Variants in TRPM6 observed in about 807,000 individuals in gnomAD.
TRPM6 encodes channel kinase 2.
A neutral mutation model predicts 247.6 loss-of-function variants in TRPM6; 111 were observed. The observed-to-expected ratio is 0.45, with a 90% CI of 0.38 to 0.52. The LOEUF (loss-of-function observed/expected upper bound fraction) is 0.52. Among genes scored for constraint, TRPM6 ranks in the 20% least tolerant of loss-of-function variants. The probability of loss-of-function intolerance (pLI) is 0.00; values close to 1 mark genes in which losing one functional copy is unlikely to be tolerated. For missense variants in TRPM6, 2,126 were observed against 2,421.5 expected, an observed-to-expected ratio of 0.88 and a Z score of 2.56; for synonymous variants, 892 against 853.8, an observed-to-expected ratio of 1.04 and a Z score of -0.78.
intron 36 of TRPM6, chr9:74,737,521 TACA>T: frequency 3.5e-6 from 3 of 852,806 alleles, no homozygotes; most frequent in Non-Finnish European, 5.0e-6. Context: ...TTATACCCTC[TACA>T]TATGAAACTC....
intron 4 of TRPM6, among the ~76,000 whole-genome samples, chr9:74,840,749 G>A (rs888955780): frequency 1.3e-5 from 2 of 151,094 alleles, no homozygotes; most frequent in South Asian, 2.1e-4. Flanking sequence ...CCCAGGAGGC[G>A]GAGGTTGCAG....
chr9:74,887,204 G>C, intron 1 of TRPM6: 1 of 1,248,774 alleles, frequency 8.0e-7, no homozygotes, highest in Non-Finnish European at 1.0e-6. Context: ...GGGGAAGGAA[G>C]CGGACTGCGG....
At chr9:74,833,088 A>C (rs931735858) in intron 6 of TRPM6, among the ~76,000 whole-genome samples, 1 of 152,124 alleles carries the variant, frequency 6.6e-6, no homozygotes, top group Non-Finnish European at 1.5e-5. Context: ...ACCCATAATC[A>C]TGTCTGTATT....
rs183217863 is a variant in TRPM6, at chr9:74,861,401, A to G, written c.34-2653T>C. Among the ~76,000 whole-genome samples, 5 of 152,110 alleles carry G rather than the reference A, an allele frequency of 3.3e-5. No individual in the cohort carries two copies. In the East Asian group the frequency reaches 9.6e-4, roughly 29 times the overall value. On this transcript the variant is annotated intron_variant, in intron 1 of 38. Transcript: ENST00000360774. The stretch of plus-strand genomic sequence containing the variant: ...TGTGCACCAATTAACTATTTTTTTA[A>G]TTTTTTGTATTTTTCATGCCTCTGG...
intron 31 of TRPM6, 54 bp downstream of exon 31, chr9:74,747,835 C>T (rs939544769): frequency 2.2e-5 from 31 of 1,407,860 alleles, no homozygotes; most frequent in Admixed American, 3.5e-5. Context: ...CAGTGAACCT[C>T]GCATTAAAAA....
chr9:74,783,743 A>G (rs1340480996), intron 21 of TRPM6, among the ~76,000 whole-genome samples: 2 of 152,192 alleles, frequency 1.3e-5, no homozygotes, highest in Non-Finnish European at 2.9e-5. Context: ...AAGAGAAAAC[A>G]TTTCTGGTCT....
intron 28 of TRPM6, among the ~76,000 whole-genome samples, chr9:74,753,653 G>A (rs1470143169): frequency 6.6e-6 from 1 of 152,166 alleles, no homozygotes; most frequent in Non-Finnish European, 1.5e-5. Context: ...CTGTGATCAC[G>A]TAACTATACT....
chr9:74,796,601 A>G, intron 18 of TRPM6, 140 bp downstream of exon 18: 1 of 803,146 alleles, frequency 1.2e-6, no homozygotes. Flanking sequence ...GTACCCCAGG[A>G]CCATATGTCA....
At position 74,732,761 on chromosome 9, in the gene TRPM6, T is replaced by C. The variant is rs1444888654; in HGVS notation, c.5777-25A>G. 6 of 1,574,030 alleles carry C rather than the reference T, an allele frequency of 3.8e-6. No homozygotes were observed. The African/African-American group carries it at 8.1e-5, about 21-fold the overall frequency. On this transcript the variant is annotated intron_variant, in intron 36 of 38. Transcript: ENST00000360774. ...CCTCAAAAGAAGAAACAAAATTCGT[T>C]TAGCAAATGGAGATTTCATTTTCTT...
chr9:74,804,413 G>A (rs966454001), intron 14 of TRPM6: 2 of 517,824 alleles, frequency 3.9e-6, no homozygotes, highest in Non-Finnish European at 6.9e-6. Context: ...TCATCAACAA[G>A]ATACAAAAAC....
Position 74,771,813 on chromosome 9 carries a change from A to G in TRPM6, c.3426T>C (p.Asp1142=). The G allele has an allele frequency of 6.2e-7, 1 of 1,613,910 alleles. No individual in the cohort carries two copies. The highest frequency in any genetic ancestry group is 8.5e-7 in the Non-Finnish European group (1 of 1,179,840). The change falls in exon 25 of 39, where the codon GAT becomes GAC. Residue 1142 remains aspartate (D), a synonymous_variant. Coordinates refer to ENST00000360774, the MANE Select transcript of TRPM6 (RefSeq NM_017662.5). ...VGLKLYLSKE[D]LKKLHDFEEQ... is the part of the protein sequence containing the mutation. ...CCTCAAAATCATGAAGTTTTTTCAG[A>G]TCCTCCTTACTGAGGTAGAGTTCTA...
At chr9:74,848,940 T>C (rs950542721) in intron 3 of TRPM6, among the ~76,000 whole-genome samples, 16 of 152,282 alleles carry the variant, frequency 1.1e-4, no homozygotes, top group African/African-American at 3.6e-4. Context: ...ACAAATACAT[T>C]TGAGTACATG....
At chr9:74,764,620 T>C (rs935008655) in intron 25 of TRPM6, among the ~76,000 whole-genome samples, 4 of 152,310 alleles carry the variant, frequency 2.6e-5, no homozygotes, top group East Asian at 1.9e-4. Context: ...AGACACATAG[T>C]TTTTGGTATT....
At chr9:74,849,308 A>C (rs1587576315) in intron 3 of TRPM6, among the ~76,000 whole-genome samples, 1 of 148,310 alleles carries the variant, frequency 6.7e-6, no homozygotes, top group East Asian at 2.0e-4. Context: ...CTGAGATTGC[A>C]CCATTGCACT....
In TRPM6 at chr9:74,785,939, G is replaced by C. The variant is rs139586014; in HGVS notation, c.2854C>G (p.Arg952Gly). The change falls in exon 21 of 39, where the codon CGG becomes GGG. Residue 952 changes from arginine (R) to glycine (G), a missense_variant. Physicochemically the swap from Arg to Gly is moderately radical, Grantham distance 125. Coordinates refer to ENST00000360774, the MANE Select transcript of TRPM6 (RefSeq NM_017662.5). ...YCIDIIFWFS[R>G]LLDFFAVNQH... is the part of the protein sequence containing the mutation. The stretch of plus-strand genomic sequence containing the variant: ...TTCACAGCAAAGAAGTCCAGGAGCC[G>C]TGAGAACCAGAATATGATGTCTATG... 4 of 1,614,086 alleles carry C rather than the reference G, an allele frequency of 2.5e-6. No individual in the cohort carries two copies. The African/African-American group carries it at 5.3e-5, about 22-fold the overall frequency.
Position 74,816,723 on chromosome 9 carries a change from C to G in TRPM6, c.1254G>C (p.Trp418Cys), listed in dbSNP as rs1414203976. Residue 418 changes from tryptophan (W) to cysteine (C), a missense_variant, in exon 11 of 39, where the codon TGG becomes TGC. Around this residue, in one of 3 missense-constraint regions of TRPM6, gnomAD observed 1,082 missense variants for 1,307.9 expected, o/e 0.83. Coordinates refer to ENST00000360774, the MANE Select transcript of TRPM6 (RefSeq NM_017662.5). ...GTTTCTTGGCAATGTCCACCCTGTC[C>G]CAAGCCATTGCCAGATTTAATTGCT... ...ASEQLNLAMAWDRVDIAKKHI... is the reference protein window; with the variant it reads ...ASEQLNLAMACDRVDIAKKHI... The G allele has an allele frequency of 6.2e-7, 1 of 1,614,122 alleles. No homozygotes were observed. Among genetic ancestry groups the G allele is most frequent in the South Asian group, 1.1e-5 (1 of 91,078 alleles).
intron 7 of TRPM6, 130 bp downstream of exon 7, chr9:74,827,648 G>A (rs535612599): frequency 8.1e-5 from 73 of 905,968 alleles, no homozygotes; most frequent in Non-Finnish European, 1.3e-4. Flanking sequence ...GGGAAGGGGG[G>A]TGGCTGAAGA....
At chr9:74,848,096 A>G (rs905593926) in intron 3 of TRPM6, among the ~76,000 whole-genome samples, 2 of 152,142 alleles carry the variant, frequency 1.3e-5, no homozygotes, top group African/African-American at 4.8e-5. Flanking sequence ...AACTGGCATG[A>G]ATTTCTTTTT....
intron 1 of TRPM6, among the ~76,000 whole-genome samples, chr9:74,877,657 T>C (rs971036976): frequency 3.3e-5 from 5 of 152,118 alleles, no homozygotes; most frequent in African/African-American, 4.8e-5. Flanking sequence ...CCATGAGCCA[T>C]TGGCAGTGAC....
Sources: allele counts gnomAD v4.1 joint callset (sites outside exome capture counted in the v4.1 genomes callset), GRCh38; gene constraint gnomAD v4.1.1; regional missense constraint gnomAD v4.1.1; transcripts MANE v1.5; gene names NCBI Gene and HGNC (gene_info 2026-07-23, HGNC 2026-07-21).